The following ASIC2 variants were observed in gnomAD, a reference collection of about 807,000 sequenced individuals.
The protein encoded by ASIC2 is acid sensing ion channel subunit 2.
ASIC2 carries 25 observed loss-of-function variants against 57.3 expected under a neutral mutation model. That is an observed-to-expected ratio of 0.44 (90% CI 0.32 to 0.61). ASIC2 has a LOEUF of 0.61. ASIC2 is among the 20% of genes least tolerant of loss of function. ASIC2 has a pLI of 0.06. For synonymous variants in ASIC2, 319 were observed against 307.5 expected, an observed-to-expected ratio of 1.04 and a Z score of -0.39; for missense variants, 641 against 738.1, an observed-to-expected ratio of 0.87 and a Z score of 1.52.
intron 1 of ASIC2, among the ~76,000 whole-genome samples, chr17:34,025,335 G>A (rs997359380): frequency 2.7e-5 from 4 of 150,596 alleles, no homozygotes; most frequent in African/African-American, 7.5e-5. Flanking sequence ...CACTTGCTGT[G>A]TGCCAAAATG....
chr17:33,051,542 A>G (rs1224046805), intron 3 of ASIC2, among the ~76,000 whole-genome samples: 1 of 152,176 alleles, frequency 6.6e-6, no homozygotes, highest in Non-Finnish European at 1.5e-5. Flanking sequence ...AGACTCCTGT[A>G]GGCAAGCACC....
chr17:34,099,782 GAA>G lies in ASIC2; in HGVS notation c.555+56194_555+56195del, dbSNP rs58660322. The stretch of plus-strand genomic sequence containing the variant: ...AGAAAGAAAGAAAGAAAGAAAGAAA[GAA>G]AGAAAGAAAGAAAGAAAGAAAAGAG... On this transcript the variant is annotated intron_variant, in intron 1 of 9. Coordinates refer to the ASIC2 transcript ENST00000359872. Among the ~76,000 whole-genome samples the G allele has an allele frequency of 1.7e-4, 8 of 48,274 alleles. 1 individual carries two copies. Among genetic ancestry groups the G allele is most frequent in the Non-Finnish European group, 2.0e-4 (4 of 20,366 alleles). 31.7% of individuals were successfully genotyped at this position (48,274 alleles called of 152,430 possible).
At chr17:33,465,889 TTGG>T (rs1280149187) in intron 1 of ASIC2, among the ~76,000 whole-genome samples, 1 of 152,184 alleles carries the variant, frequency 6.6e-6, no homozygotes, top group Non-Finnish European at 1.5e-5. Context: ...AGTATTTTTC[TTGG>T]TAGCTGTTGG....
rs1428312169 is a variant in ASIC2, at chr17:33,023,600, GCCAAAGTCA to G, written c.1349+252_1349+260del. Reference sequence around the variant, plus strand: ...CTTCCCTATGCATCCCCCTATGATAGCCAAAGTCACCCTATATACCATTCAGTGTGTGCT... The same window carrying G: ...CTTCCCTATGCATCCCCCTATGATAGCCCTATATACCATTCAGTGTGTGCT... On this transcript the variant is annotated intron_variant, in intron 6 of 9. Transcript: ENST00000225823. 2.0e-5 allele frequency among the ~76,000 whole-genome samples: 3 copies of G among 152,044 alleles called. No individual in the cohort carries two copies. In the East Asian group the frequency reaches 5.8e-4, roughly 29 times the overall value.
chr17:33,565,502 C>G (rs942107234), intron 1 of ASIC2, among the ~76,000 whole-genome samples: 1 of 152,204 alleles, frequency 6.6e-6, no homozygotes, highest in South Asian at 2.1e-4. Context: ...TTTTCCAGAA[C>G]AGTCCTTAGA....
At chr17:33,737,029 C>T (rs1909935387) in intron 1 of ASIC2, among the ~76,000 whole-genome samples, 1 of 152,238 alleles carries the variant, frequency 6.6e-6, no homozygotes, top group African/African-American at 2.4e-5. Context: ...CTTTTTAGTG[C>T]TGCATCATAT....
At chr17:33,584,525 GCCCTGTCACCT>G (rs1440225851) in intron 1 of ASIC2, among the ~76,000 whole-genome samples, 1 of 152,136 alleles carries the variant, frequency 6.6e-6, no homozygotes, top group Non-Finnish European at 1.5e-5. Flanking sequence ...TTGTGATAGA[GCCCTGTCACCT>G]CCATCAGGTT....
intron 1 of ASIC2, among the ~76,000 whole-genome samples, chr17:33,862,356 T>C (rs1914122576): frequency 6.6e-6 from 1 of 152,206 alleles, no homozygotes; most frequent in African/African-American, 2.4e-5. Flanking sequence ...ATTTATTTAC[T>C]TCATTTTTCA....
intron 1 of ASIC2, among the ~76,000 whole-genome samples, chr17:33,231,439 C>T (rs1009688866): frequency 2.0e-5 from 3 of 152,058 alleles, no homozygotes; most frequent in East Asian, 3.9e-4. Context: ...GGATGGGGGC[C>T]GGAATGGGGC....
chr17:33,736,929 T>A (rs1048144497), intron 1 of ASIC2, among the ~76,000 whole-genome samples: 2 of 152,384 alleles, frequency 1.3e-5, no homozygotes, highest in Middle Eastern at 3.4e-3. Flanking sequence ...TCTCTTTTTT[T>A]AACAGCTTTA....
intron 1 of ASIC2, among the ~76,000 whole-genome samples, chr17:33,355,190 G>T (rs1442333927): frequency 6.6e-6 from 1 of 152,172 alleles, no homozygotes; most frequent in African/African-American, 2.4e-5. Flanking sequence ...AAAATTAGCT[G>T]GGTGTGGTGG....
chr17:33,243,132 A>G (rs1392162865), intron 1 of ASIC2, among the ~76,000 whole-genome samples: 1 of 152,210 alleles, frequency 6.6e-6, no homozygotes, highest in Non-Finnish European at 1.5e-5. Flanking sequence ...GCAGCTGATG[A>G]CAGAGTTTCT....
chr17:33,511,172 C>G (rs1914422022), intron 1 of ASIC2, among the ~76,000 whole-genome samples: 2 of 141,728 alleles, frequency 1.4e-5, no homozygotes, highest in South Asian at 5.3e-4. Flanking sequence ...TGGCTGTCAC[C>G]CTAATTCTTG....
intron 1 of ASIC2, among the ~76,000 whole-genome samples, chr17:33,361,267 G>A (rs1312689265): frequency 6.6e-6 from 1 of 152,180 alleles, no homozygotes; most frequent in Admixed American, 6.5e-5. Context: ...AGCCCACTTG[G>A]GAATTCATGT....
intron 3 of ASIC2, among the ~76,000 whole-genome samples, chr17:33,042,507 C>G (rs545382837): frequency 6.6e-6 from 1 of 152,162 alleles, no homozygotes; most frequent in Non-Finnish European, 1.5e-5. Context: ...ATTTGTTGAA[C>G]CTTTACTATG....
At chr17:33,181,949 GC>G (rs1315030511) in intron 1 of ASIC2, among the ~76,000 whole-genome samples, 3 of 152,142 alleles carry the variant, frequency 2.0e-5, no homozygotes, top group Non-Finnish European at 4.4e-5. Context: ...AGTGGCCAGG[GC>G]CAGATCGTGT....
rs181298223 is a variant in ASIC2 at position 33,961,704 on chromosome 17, C to T, written c.555+194274G>A. Reference sequence around the variant, plus strand: ...GGAAGAATTTCAAAAAGCCCACCTGCTTGCCTTGCTGGGTAGCATAAGGGA... The same window carrying T: ...GGAAGAATTTCAAAAAGCCCACCTGTTTGCCTTGCTGGGTAGCATAAGGGA... On this transcript the variant is annotated intron_variant, in intron 1 of 9. Coordinates refer to the ASIC2 transcript ENST00000359872. Among the ~76,000 whole-genome samples, 1,171 of 151,882 alleles carry T rather than the reference C, an allele frequency of 7.7e-3. 4 individuals carry two copies. Among genetic ancestry groups the T allele is most frequent in the Non-Finnish European group, 0.013 (881 of 67,924 alleles).
chr17:33,917,287 A>C (rs1340018146), intron 1 of ASIC2, among the ~76,000 whole-genome samples: 1 of 152,154 alleles, frequency 6.6e-6, no homozygotes, highest in Non-Finnish European at 1.5e-5. Context: ...ACAGGGCCTC[A>C]GGCCTCACGT....
chr17:34,106,088 A>T (rs966002255), intron 1 of ASIC2, among the ~76,000 whole-genome samples: 1 of 152,098 alleles, frequency 6.6e-6, no homozygotes. Context: ...TTATGACAAT[A>T]ACATTTTTGA....
Sources: gnomAD v4.1 joint callset for allele counts (sites outside exome capture counted in the v4.1 genomes callset) on GRCh38, gnomAD v4.1.1 for gene constraint, MANE v1.5 for transcripts, NCBI Gene and HGNC (gene_info 2026-07-23, HGNC 2026-07-21) for gene names.